Variants in LIMCH1 observed in about 807,000 individuals in gnomAD.
LIMCH1 encodes LIM and calponin homology domains-containing protein 1.
Under a neutral mutation model 176.5 loss-of-function variants are expected in LIMCH1, and 113 were observed. The observed-to-expected ratio is 0.64, with a 90% CI of 0.55 to 0.75. The LOEUF (loss-of-function observed/expected upper bound fraction) is 0.75, where lower values mean the gene tolerates loss of function less well. Ranked by LOEUF, LIMCH1 falls within the 30% of genes least tolerant of loss-of-function variation. The pLI, the probability that LIMCH1 is intolerant of heterozygous loss-of-function variation, is 0.00. For synonymous variants in LIMCH1, 619 were observed against 645.9 expected (o/e 0.96, Z 0.63); for missense variants, 1,674 against 1,814.9 (o/e 0.92, Z 1.41).
intron 17 of LIMCH1, among the ~76,000 whole-genome samples, chr4:41,647,611 G>T (rs115492375): frequency 6.6e-6 from 1 of 152,182 alleles, no homozygotes; most frequent in African/African-American, 2.4e-5. Context: ...CTTTTGACTT[G>T]TAAAGAAAAA....
intron 1 of LIMCH1, among the ~76,000 whole-genome samples, chr4:41,448,640 T>G (rs1448174890): frequency 6.6e-6 from 1 of 152,166 alleles, no homozygotes; most frequent in Non-Finnish European, 1.5e-5. Flanking sequence ...TTTCAGTATA[T>G]TCACAGAGCT....
chr4:41,441,716 C>A (rs150328001), intron 1 of LIMCH1, among the ~76,000 whole-genome samples: 3 of 152,064 alleles, frequency 2.0e-5, no homozygotes, highest in Non-Finnish European at 4.4e-5. Context: ...GTCTAATACT[C>A]TTTTTCTTTT....
chr4:41,493,288 A>G (rs1465581336), intron 1 of LIMCH1, among the ~76,000 whole-genome samples: 1 of 151,342 alleles, frequency 6.6e-6, no homozygotes, highest in African/African-American at 2.4e-5. Flanking sequence ...TGCTTTTTAA[A>G]TTGTTAGTAT....
intron 1 of LIMCH1, among the ~76,000 whole-genome samples, chr4:41,441,227 G>C (rs975551695): frequency 5.3e-5 from 8 of 152,162 alleles, no homozygotes; most frequent in Admixed American, 5.2e-4. Flanking sequence ...AATGAAAAAT[G>C]AAATTTGCTT....
intron 1 of LIMCH1, among the ~76,000 whole-genome samples, chr4:41,554,405 A>G (rs7681875): frequency 0.28 from 42,857 of 151,962 alleles, 8,633 homozygotes; most frequent in African/African-American, 0.57. Context: ...ATGCTTCCCA[A>G]TTCCTTCTGC....
rs114908259 is a variant in LIMCH1, at chr4:41,549,860, G to A, written c.-241+11510G>A. On this transcript the variant is annotated intron_variant, in intron 1 of 31. Coordinates refer to ENST00000503057, the MANE Select transcript of LIMCH1 (RefSeq NM_001330672.2). ...ATAGAAATCATTCTGTAATCAACAC[G>A]ATTTATATGTGGATAGATTCTTTTT... 6.6e-3 allele frequency among the ~76,000 whole-genome samples: 999 copies of A among 152,118 alleles called. 15 individuals are homozygous for A. Among genetic ancestry groups the A allele is most frequent in the African/African-American group, 0.023 (958 of 41,514 alleles).
chr4:41,369,529 C>A (rs1039117345), intron 1 of LIMCH1, among the ~76,000 whole-genome samples: 6 of 152,196 alleles, frequency 3.9e-5, no homozygotes, highest in African/African-American at 1.2e-4. Context: ...GGGACAAATC[C>A]TTTCAAGATA....
intron 1 of LIMCH1, among the ~76,000 whole-genome samples, chr4:41,431,475 A>G (rs1427156047): frequency 6.6e-6 from 1 of 152,228 alleles, no homozygotes; most frequent in African/African-American, 2.4e-5. Context: ...TCTGACATGT[A>G]ACAAGCACCC....
At chr4:41,391,470 T>C (rs1009844746) in intron 1 of LIMCH1, among the ~76,000 whole-genome samples, 1 of 152,182 alleles carries the variant, frequency 6.6e-6, no homozygotes, top group Admixed American at 6.5e-5. Flanking sequence ...TGGGCTGATA[T>C]AGTGACTCAT....
At chr4:41,689,202 A>G (rs1202074319) in intron 29 of LIMCH1, among the ~76,000 whole-genome samples, 4 of 152,256 alleles carry the variant, frequency 2.6e-5, no homozygotes, top group African/African-American at 4.8e-5. Flanking sequence ...TATAAAAAAA[A>G]GTATGATAAA....
chr4:41,398,175 CT>C (rs11412751), intron 1 of LIMCH1, among the ~76,000 whole-genome samples: 3,753 of 140,974 alleles, frequency 0.027, 150 homozygotes, highest in African/African-American at 0.089. Context: ...TAAGAGTTTT[CT>C]TTTTTTTTTT....
At chr4:41,579,626 A>G (rs544731428) in intron 1 of LIMCH1, among the ~76,000 whole-genome samples, 1 of 152,144 alleles carries the variant, frequency 6.6e-6, no homozygotes, top group Non-Finnish European at 1.5e-5. Context: ...GTCCTTTTCA[A>G]TCAGTCTTTA....
chr4:41,505,925 G>GAC (rs36212568), intron 2 of LIMCH1, among the ~76,000 whole-genome samples: 12,361 of 134,488 alleles, frequency 0.092, 582 homozygotes, highest in Non-Finnish European at 0.1. Context: ...CTGTGTTTCT[G>GAC]ACACACACAC....
At chr4:41,466,529 A>G (rs2066141758) in intron 1 of LIMCH1, among the ~76,000 whole-genome samples, 1 of 152,200 alleles carries the variant, frequency 6.6e-6, no homozygotes, top group Admixed American at 6.5e-5. Context: ...TATGACTACC[A>G]AGGCTTAGAA....
intron 3 of LIMCH1, among the ~76,000 whole-genome samples, chr4:41,529,227 A>G (rs1286365313): frequency 6.6e-6 from 1 of 152,174 alleles, no homozygotes; most frequent in Non-Finnish European, 1.5e-5. Flanking sequence ...GTTTCATCCC[A>G]GGAGCTTTAG....
At chr4:41,555,237 C>T (rs2152530115) in intron 1 of LIMCH1, among the ~76,000 whole-genome samples, 1 of 152,320 alleles carries the variant, frequency 6.6e-6, no homozygotes, top group South Asian at 2.1e-4. Flanking sequence ...GCGTGTCCTA[C>T]TGTTTTCATG....
At chr4:41,666,979 C>T (rs138576439) in intron 21 of LIMCH1, among the ~76,000 whole-genome samples, 409 of 152,134 alleles carry the variant, frequency 2.7e-3, no homozygotes, top group Non-Finnish European at 4.5e-3. Context: ...TGGTGGCATG[C>T]GCCTTTAGTC....
chr4:41,374,425 T>C (rs2054426942), intron 1 of LIMCH1, among the ~76,000 whole-genome samples: 1 of 152,198 alleles, frequency 6.6e-6, no homozygotes, highest in Admixed American at 6.5e-5. Context: ...AGCAGCCTGA[T>C]GAACCCTGGT....
In LIMCH1 at chr4:41,419,561, CCCTTCCTTCCTTCCTTCCTTCCTT is replaced by C. The variant is rs536061729; in HGVS notation, c.96+58644_96+58667del. ...GCCTACATTTTCTTCCTTTCCTTTC[CCCTTCCTTCCTTCCTTCCTTCCTT>C]CCTTCCTTCCTTCCTTCCGTCCTTC... On this transcript the variant is annotated intron_variant, in intron 1 of 26. Transcript: ENST00000313860. Among the ~76,000 whole-genome samples the C allele has an allele frequency of 1.5e-4, 17 of 116,332 alleles. No individual in the cohort carries two copies. The East Asian group carries it at 4.1e-3, about 28-fold the overall frequency. The allele number at this position is 116,332 out of a possible 152,430, so 76.3% of individuals were successfully genotyped here.
Sources: gnomAD v4.1 joint callset for allele counts (sites outside exome capture counted in the v4.1 genomes callset) on GRCh38, gnomAD v4.1.1 for gene constraint, MANE v1.5 for transcripts, NCBI Gene and HGNC (gene_info 2026-07-23, HGNC 2026-07-21) for gene names.